Variants in LDB2 observed in about 807,000 individuals in gnomAD.
The protein encoded by LDB2 is LIM domain-binding protein 2.
A neutral mutation model predicts 44.3 loss-of-function variants in LDB2; 12 were observed. The ratio of observed to expected loss-of-function variants is 0.27; its 90% confidence interval spans 0.17 to 0.44. The LOEUF (loss-of-function observed/expected upper bound fraction) is 0.44, where lower values mean the gene tolerates loss of function less well. Ranked by LOEUF, LDB2 falls within the 20% of genes least tolerant of loss-of-function variation. LDB2 has a pLI of 1.00. For missense variants in LDB2, 344 were observed against 473.5 expected (o/e 0.73, Z 2.54); for synonymous variants, 164 against 174.8 (o/e 0.94, Z 0.49).
At chr4:16,833,615 T>G (rs1260956423) in intron 1 of LDB2, among the ~76,000 whole-genome samples, 1 of 151,228 alleles carries the variant, frequency 6.6e-6, no homozygotes, top group African/African-American at 2.4e-5. Flanking sequence ...CGATCTCTGC[T>G]CACTGCAACC....
At chr4:16,720,829 T>A (rs138233954) in intron 2 of LDB2, among the ~76,000 whole-genome samples, 191 of 152,296 alleles carry the variant, frequency 1.3e-3, no homozygotes, top group Non-Finnish European at 2.4e-3. Flanking sequence ...TTTAAAATCG[T>A]TATCTTATTT....
Position 16,502,556 on chromosome 4 carries a change from C to A in LDB2, c.*87G>T. On this transcript the variant is annotated 3_prime_UTR_variant, in exon 8 of 8. Transcript: ENST00000304523. The stretch of plus-strand genomic sequence containing the variant: ...TATTTGCATGGAAAAGTTTTTATCT[C>A]TTCTGTTTCCTCTCCTGTAAGTAAA... The A allele has an allele frequency of 6.5e-7, 1 of 1,533,202 alleles. No homozygotes were observed. The highest frequency in any genetic ancestry group is 8.9e-7 in the Non-Finnish European group (1 of 1,119,476). The allele number at this position is 1,533,202 out of a possible 1,614,324, so 95.0% of individuals were successfully genotyped here. A position where few individuals can be genotyped will look rare whatever the true frequency, so the allele number is the denominator to read the frequency against.
chr4:16,727,472 C>T (rs546827361), intron 2 of LDB2, among the ~76,000 whole-genome samples: 2 of 151,812 alleles, frequency 1.3e-5, no homozygotes, highest in South Asian at 2.1e-4. Flanking sequence ...CTCTGAACCC[C>T]GCTCCAGGAA....
intron 1 of LDB2, among the ~76,000 whole-genome samples, chr4:16,816,730 A>G (rs1780999811): frequency 6.6e-6 from 1 of 152,114 alleles, no homozygotes. Context: ...ATTTTCTCTG[A>G]CAACAGCTTC....
intron 6 of LDB2, among the ~76,000 whole-genome samples, chr4:16,511,489 C>G (rs1319939959): frequency 1.3e-5 from 2 of 152,170 alleles, no homozygotes; most frequent in African/African-American, 4.8e-5. Context: ...ATCCTTTCCT[C>G]CTTCATTCAT....
chr4:16,704,133 C>T (rs1016887481), intron 2 of LDB2, among the ~76,000 whole-genome samples: 95 of 152,274 alleles, frequency 6.2e-4, no homozygotes, highest in African/African-American at 2.1e-3. Flanking sequence ...GCACTGATGC[C>T]TGAGAAAGTC....
intron 5 of LDB2, among the ~76,000 whole-genome samples, chr4:16,577,228 A>G (rs1417276537): frequency 6.6e-6 from 1 of 152,224 alleles, no homozygotes; most frequent in East Asian, 1.9e-4. Context: ...AGTCCTAGCT[A>G]GAGTAATCAA....
intron 3 of LDB2, among the ~76,000 whole-genome samples, chr4:16,590,443 A>AT (rs1718534543): frequency 6.6e-6 from 1 of 152,242 alleles, no homozygotes; most frequent in African/African-American, 2.4e-5. Context: ...TTTACGAAAT[A>AT]TTAATAATCA....
intron 1 of LDB2, among the ~76,000 whole-genome samples, chr4:16,804,290 A>G (rs1179269889): frequency 6.6e-6 from 1 of 152,130 alleles, no homozygotes; most frequent in Non-Finnish European, 1.5e-5. Context: ...TATATTACAT[A>G]TACACATATA....
chr4:16,660,822 T>C (rs535163755), intron 2 of LDB2, among the ~76,000 whole-genome samples: 14 of 152,120 alleles, frequency 9.2e-5, no homozygotes, highest in Admixed American at 6.5e-5. Context: ...AGTATCTGAG[T>C]ACATATATTG....
rs1054891059 is a variant in LDB2, at chr4:16,533,150, T to A, written c.616-21046A>T. ...CAGTGGGTTGGCTTGTTACCCTAGATGGAAGAGTCACTGGCCTGAGCCTGA... is the reference window on the plus strand; with the variant it reads ...CAGTGGGTTGGCTTGTTACCCTAGAAGGAAGAGTCACTGGCCTGAGCCTGA... On this transcript the variant is annotated intron_variant, in intron 5 of 7. Coordinates refer to ENST00000304523, the MANE Select transcript of LDB2 (RefSeq NM_001290.5). This position sits in a 1 kb window ranked among gnomAD's most constrained non-coding sequence, Gnocchi z 4.1. Among the ~76,000 whole-genome samples the A allele has an allele frequency of 3.9e-5, 6 of 152,250 alleles. No homozygotes were observed. Among genetic ancestry groups the A allele is most frequent in the Middle Eastern group, 3.4e-3 (1 of 294 alleles).
intron 5 of LDB2, among the ~76,000 whole-genome samples, chr4:16,512,967 G>T (rs1722360126): frequency 6.6e-6 from 1 of 152,158 alleles, no homozygotes; most frequent in South Asian, 2.1e-4. Context: ...TACTTATGAG[G>T]ACAGAGACCA....
At chr4:16,652,593 G>A (rs1035576181) in intron 2 of LDB2, among the ~76,000 whole-genome samples, 1 of 152,218 alleles carries the variant, frequency 6.6e-6, no homozygotes, top group African/African-American at 2.4e-5. Context: ...GGAAGGAGAT[G>A]CAAAGATGCT....
At chr4:16,771,247 G>GA (rs35056949) in intron 1 of LDB2, among the ~76,000 whole-genome samples, 7 of 151,012 alleles carry the variant, frequency 4.6e-5, no homozygotes, top group Admixed American at 4.0e-4. Flanking sequence ...TGGAAAAAAT[G>GA]AAAAAAAAAT....
At chr4:16,631,544 C>G (rs1365630090) in intron 2 of LDB2, among the ~76,000 whole-genome samples, 1 of 151,956 alleles carries the variant, frequency 6.6e-6, no homozygotes, top group Non-Finnish European at 1.5e-5. Flanking sequence ...CAAGAGCAAA[C>G]AAATTCAAAA....
At chr4:16,561,496 GA>G (rs1742246016) in intron 5 of LDB2, among the ~76,000 whole-genome samples, 1 of 152,074 alleles carries the variant, frequency 6.6e-6, no homozygotes, top group South Asian at 2.1e-4. Flanking sequence ...AAATACCTAG[GA>G]ATCCAACTTA....
At chr4:16,671,325 A>G (rs1227565581) in intron 2 of LDB2, among the ~76,000 whole-genome samples, 1 of 152,036 alleles carries the variant, frequency 6.6e-6, no homozygotes, top group African/African-American at 2.4e-5. Context: ...TCAGTCCGTT[A>G]TGAGTTTCTT....
At chr4:16,598,514 C>T (rs1721666972) in intron 2 of LDB2, among the ~76,000 whole-genome samples, 1 of 152,038 alleles carries the variant, frequency 6.6e-6, no homozygotes. Context: ...ATGAGCTGTC[C>T]CTGACATACC....
chr4:16,829,187 G>T (rs1355598185), intron 1 of LDB2, among the ~76,000 whole-genome samples: 2 of 152,156 alleles, frequency 1.3e-5, no homozygotes, highest in East Asian at 1.9e-4. Flanking sequence ...TGTCACAGGG[G>T]TGATTCCAGT....
Sources: allele counts gnomAD v4.1 joint callset (sites outside exome capture counted in the v4.1 genomes callset), GRCh38; gene constraint gnomAD v4.1.1; non-coding constraint Gnocchi (gnomAD v3.1); transcripts MANE v1.5; gene names NCBI Gene and HGNC (gene_info 2026-07-23, HGNC 2026-07-21).